ARID1B: variants seen among roughly 807,000 people sequenced by gnomAD.
ARID1B encodes AT-rich interactive domain-containing protein 1B.
ARID1B carries 30 observed loss-of-function variants against 212.3 expected under a neutral mutation model. The observed-to-expected ratio is 0.14, with a 90% confidence interval of 0.11 to 0.19. ARID1B has a LOEUF of 0.19. Ranked by LOEUF, ARID1B falls within the 10% of genes least tolerant of loss-of-function variation. The pLI is 1.00. For synonymous variants in ARID1B, 1,402 were observed against 1,301.7 expected (o/e 1.08, Z -1.66); for missense variants, 2,891 against 3,204.0 (o/e 0.90, Z 2.36).
intron 2 of ARID1B, among the ~76,000 whole-genome samples, chr6:156,832,029 A>G (rs1783177296): frequency 6.6e-6 from 1 of 152,264 alleles, no homozygotes; most frequent in African/African-American, 2.4e-5. Flanking sequence ...TTTAAAATTT[A>G]AAAGGCTAAA....
At chr6:157,062,072 A>G (rs1783374964) in intron 4 of ARID1B, among the ~76,000 whole-genome samples, 1 of 152,218 alleles carries the variant, frequency 6.6e-6, no homozygotes. Context: ...TTTTGGAGAT[A>G]ATAAAATGTT....
At chr6:157,156,353 C>T (rs951575418) in intron 8 of ARID1B, among the ~76,000 whole-genome samples, 2 of 152,166 alleles carry the variant, frequency 1.3e-5, no homozygotes, top group Admixed American at 6.5e-5. Context: ...CTAAATACTA[C>T]GCTTTAATTT....
chr6:156,778,847 GGGCGGCGGCGGCGGC>G lies in ARID1B; in HGVS notation c.1179_1193del (p.Gly398_Gly402del), dbSNP rs587779747. The G allele has an allele frequency of 8.5e-5, 119 of 1,403,508 alleles. No homozygotes were observed. Among genetic ancestry groups the G allele is most frequent in the African/African-American group, 1.1e-4 (7 of 65,014 alleles). 86.9% of individuals were successfully genotyped at this position (1,403,508 alleles called of 1,614,324 possible). On this transcript the variant is annotated inframe_deletion, in exon 1 of 20. Transcript: ENST00000636930. ...ATCCGGGCTACAGCCGGCCCGGCGC[GGGCGGCGGCGGCGGC>G]GGCGGCGGCGGAGGAGGAGGAGGCA...
intron 8 of ARID1B, among the ~76,000 whole-genome samples, chr6:157,164,985 T>C (rs1189233088): frequency 6.6e-6 from 1 of 152,210 alleles, no homozygotes; most frequent in East Asian, 1.9e-4. Flanking sequence ...CTGAGAGCAG[T>C]CCCATCAGGC....
Position 157,184,527 on chromosome 6 carries a change from G to T in ARID1B, c.3919+92G>T, listed in dbSNP as rs779048785. 37 of 1,446,590 alleles carry T rather than the reference G, an allele frequency of 2.6e-5. No individual in the cohort carries two copies. In the East Asian group the frequency reaches 8.5e-4, roughly 33 times the overall value. 89.6% of individuals were successfully genotyped at this position (1,446,590 alleles called of 1,614,324 possible). ...AGGTGGTTTCACAGTCAGGCCAACA[G>T]GGAACTTGGGACTTTTGAGAGGTGG... On this transcript the variant is annotated intron_variant, in intron 13 of 19. Transcript: ENST00000636930.
chr6:156,845,312 C>T (rs1246156016), intron 2 of ARID1B, among the ~76,000 whole-genome samples: 1 of 152,192 alleles, frequency 6.6e-6, no homozygotes, highest in Non-Finnish European at 1.5e-5. Context: ...GCTGCGCATT[C>T]GGAGTAAAGC....
chr6:157,095,852 C>CAAAA (rs5881203), intron 5 of ARID1B, among the ~76,000 whole-genome samples: 1 of 151,574 alleles, frequency 6.6e-6, no homozygotes. Context: ...TGAAAAAAGG[C>CAAAA]AAAAAAAAGT....
intron 4 of ARID1B, among the ~76,000 whole-genome samples, chr6:156,994,373 C>A (rs1009954212): frequency 6.6e-6 from 1 of 152,090 alleles, no homozygotes; most frequent in Admixed American, 6.5e-5. Flanking sequence ...TTCCAGCATA[C>A]TCTCTCAGCA....
In ARID1B at chr6:157,062,505, T is replaced by C. The variant is rs577437442; in HGVS notation, c.2248-22157T>C. 2.6e-5 allele frequency among the ~76,000 whole-genome samples: 4 copies of C among 152,090 alleles called. No homozygotes were observed. The South Asian group carries it at 8.3e-4, about 32-fold the overall frequency. ...TGAGCCACCGAACATGGCTTGTTTCTCCTTTTGTTAATTGCTGTAGACACG... is the reference window on the plus strand; with the variant it reads ...TGAGCCACCGAACATGGCTTGTTTCCCCTTTTGTTAATTGCTGTAGACACG... On this transcript the variant is annotated intron_variant, in intron 4 of 19. Transcript: ENST00000636930.
intron 9 of ARID1B, among the ~76,000 whole-genome samples, chr6:157,172,583 G>A (rs1457691573): frequency 1.3e-5 from 2 of 152,160 alleles, no homozygotes; most frequent in East Asian, 1.9e-4. Flanking sequence ...TCATGGGCAC[G>A]TGGCAGGGCA....
intron 2 of ARID1B, among the ~76,000 whole-genome samples, chr6:156,881,301 A>G (rs964522552): frequency 5.9e-5 from 9 of 152,186 alleles, no homozygotes; most frequent in African/African-American, 2.2e-4. Flanking sequence ...GGTTTAGTAT[A>G]TGGTATTTGA....
chr6:157,114,100 A>G (rs2128527324), intron 6 of ARID1B, among the ~76,000 whole-genome samples: 1 of 152,348 alleles, frequency 6.6e-6, no homozygotes. Context: ...CCCAAAATTC[A>G]TTCCCCCATA....
intron 15 of ARID1B, among the ~76,000 whole-genome samples, chr6:157,192,399 G>T (rs760078010): frequency 6.6e-6 from 1 of 152,106 alleles, no homozygotes; most frequent in African/African-American, 2.4e-5. Context: ...AAATAAATTT[G>T]TGGGGGTGGA....
At chr6:156,981,514 AATGTACATATAC>A in intron 4 of ARID1B, among the ~76,000 whole-genome samples, 1 of 152,312 alleles carries the variant, frequency 6.6e-6, no homozygotes, top group African/African-American at 2.4e-5. Context: ...TTTCTTTAGA[AATGTACATATAC>A]ATGCAATCAT....
At chr6:156,987,829 C>G (rs1045817989) in intron 4 of ARID1B, among the ~76,000 whole-genome samples, 2 of 152,190 alleles carry the variant, frequency 1.3e-5, no homozygotes, top group South Asian at 2.1e-4. Flanking sequence ...GTATCTTGCT[C>G]GAATCTAGAA....
At chr6:157,063,210 C>G (rs1562588153) in intron 4 of ARID1B, among the ~76,000 whole-genome samples, 1 of 151,858 alleles carries the variant, frequency 6.6e-6, no homozygotes. Flanking sequence ...GGTGAATGAG[C>G]CACCAGCCAT....
chr6:156,801,226 A>G lies in ARID1B; in HGVS notation c.1791+21755A>G, dbSNP rs1310733315. Among the ~76,000 whole-genome samples, 351 of 99,528 alleles carry G rather than the reference A, an allele frequency of 3.5e-3. 2 individuals carry two copies. The highest frequency in any genetic ancestry group is 0.013 in the African/African-American group (308 of 24,132). The allele number at this position is 99,528 out of a possible 152,430, so 65.3% of individuals were successfully genotyped here. Reference sequence around the variant, plus strand: ...TTTTTTTTTTTTTTTTTTGAGGCGGAGTCTCGCTCTGTTGCCCACTCTGGA... The same window carrying G: ...TTTTTTTTTTTTTTTTTTGAGGCGGGGTCTCGCTCTGTTGCCCACTCTGGA... On this transcript the variant is annotated intron_variant, in intron 1 of 19. Coordinates refer to ENST00000636930, the MANE Select transcript of ARID1B (RefSeq NM_001374828.1).
chr6:157,189,718 C>A lies in ARID1B; in HGVS notation c.3996C>A (p.Asp1332Glu). 6.2e-7 allele frequency: 1 copy of A among 1,614,050 alleles called. No homozygotes were observed. The highest frequency in any genetic ancestry group is 8.5e-7 in the Non-Finnish European group (1 of 1,180,026). The change falls in exon 14 of 20, where the codon GAC (aspartate) becomes GAA (glutamate). Residue 1332 changes from aspartate (D) to glutamate (E), a missense_variant. Asp to Glu is a conservative substitution (Grantham distance 45). Around this residue, in one of 7 missense-constraint regions of ARID1B, gnomAD observed 666 missense variants for 873.5 expected, o/e 0.76. Transcript: ENST00000636930. ...GSNSMAEVPG[D>E]LKPPTPASTP... ...ATTCCATGGCAGAGGTTCCAGGTGACCTGAAGCCACCTACCCCAGCCTCCA... is the reference window on the plus strand; with the variant it reads ...ATTCCATGGCAGAGGTTCCAGGTGAACTGAAGCCACCTACCCCAGCCTCCA...
intron 8 of ARID1B, among the ~76,000 whole-genome samples, chr6:157,161,694 G>A (rs1010006825): frequency 3.3e-5 from 5 of 152,134 alleles, no homozygotes; most frequent in African/African-American, 1.2e-4. Flanking sequence ...GAGGAATAAA[G>A]TAACACATTT....
Sources: allele counts gnomAD v4.1 joint callset (sites outside exome capture counted in the v4.1 genomes callset), GRCh38; gene constraint gnomAD v4.1.1; regional missense constraint gnomAD v4.1.1; transcripts MANE v1.5; gene names NCBI Gene and HGNC (gene_info 2026-07-23, HGNC 2026-07-21).